SCML2: variants seen among roughly 807,000 people sequenced by gnomAD.
SCML2 encodes sex comb on midleg-like protein 2.
SCML2 carries 6 observed loss-of-function variants against 48.4 expected under a neutral mutation model. That is an observed-to-expected ratio of 0.12 (90% CI 0.07 to 0.24). The LOEUF (loss-of-function observed/expected upper bound fraction) is 0.24. Among genes scored for constraint, SCML2 ranks in the 10% least tolerant of loss-of-function variants. The probability of loss-of-function intolerance (pLI) is 1.00; values close to 1 mark genes in which losing one functional copy is unlikely to be tolerated. For synonymous variants in SCML2, 181 were observed against 189.5 expected (o/e 0.95, Z 0.37); for missense variants, 377 against 528.2 (o/e 0.71, Z 2.81).
chrX:18,333,712 A>G (rs1051574035), intron 2 of SCML2, among the ~76,000 whole-genome samples: 1 of 112,188 alleles, frequency 8.9e-6, no homozygotes, highest in Admixed American at 9.5e-5. Flanking sequence ...CTGACTGCAA[A>G]TGAGTGTGGC....
At chrX:18,341,321 CAGG>C in intron 1 of SCML2, 2 of 436,528 alleles carry the variant, frequency 4.6e-6, no homozygotes, top group Non-Finnish European at 7.8e-6. Flanking sequence ...GGCCATTGAG[CAGG>C]AGAAGCGGGT....
intron 11 of SCML2, among the ~76,000 whole-genome samples, chrX:18,254,371 A>C (rs1387446139): frequency 8.9e-6 from 1 of 112,175 alleles, no homozygotes; most frequent in Non-Finnish European, 1.9e-5. Flanking sequence ...TAAGAAAAAC[A>C]TAAGAGTTCC....
intron 7 of SCML2, among the ~76,000 whole-genome samples, chrX:18,281,382 G>A (rs1927841243): frequency 9.2e-6 from 1 of 109,047 alleles, no homozygotes; most frequent in African/African-American, 3.3e-5. Flanking sequence ...AGTCCTAAAT[G>A]CCTTCATCAA....
At chrX:18,297,202 C>A (rs1349155273) in intron 7 of SCML2, among the ~76,000 whole-genome samples, 6 of 112,002 alleles carry the variant, frequency 5.4e-5, no homozygotes. Context: ...TAAAAACTCT[C>A]AACAAACTAG....
intron 7 of SCML2, among the ~76,000 whole-genome samples, chrX:18,283,917 C>A (rs1192882955): frequency 8.9e-6 from 1 of 111,981 alleles, no homozygotes; most frequent in Admixed American, 9.5e-5. Flanking sequence ...TCATTCTTCA[C>A]AAAATTAGAA....
chrX:18,289,140 G>A (rs752059155), intron 7 of SCML2, among the ~76,000 whole-genome samples: 1 of 111,897 alleles, frequency 8.9e-6, no homozygotes, highest in South Asian at 3.7e-4. Context: ...ATCCCCACCT[G>A]ATCACATGTC....
intron 2 of SCML2, among the ~76,000 whole-genome samples, chrX:18,331,522 T>C (rs185747661): frequency 2.6e-4 from 29 of 111,084 alleles, no homozygotes; most frequent in African/African-American, 9.5e-4. Flanking sequence ...ACATGTATTA[T>C]AGTATGTATC....
chrX:18,246,557 G>A lies in SCML2; in HGVS notation c.1822+20C>T. The A allele has an allele frequency of 8.5e-7, 1 of 1,179,255 alleles. No individual in the cohort carries two copies. The highest frequency in any genetic ancestry group is 1.1e-6 in the Non-Finnish European group (1 of 878,135). On this transcript the variant is annotated intron_variant, in intron 13 of 14. Coordinates refer to ENST00000251900, the MANE Select transcript of SCML2 (RefSeq NM_006089.3). ...AAGGCAAAAGACAAACACATTGAGA[G>A]TCACTATTTTTGAACATACCTTCAC...
intron 4 of SCML2, among the ~76,000 whole-genome samples, 168 bp downstream of exon 4, chrX:18,324,739 C>T (rs1261004496): frequency 8.9e-6 from 1 of 112,073 alleles, no homozygotes; most frequent in Non-Finnish European, 1.9e-5. Flanking sequence ...GCTTATTATA[C>T]CTGACATAGA....
At chrX:18,305,289 T>C in intron 6 of SCML2, 74 bp from the exon 7 acceptor site, 2 of 1,015,108 alleles carry the variant, frequency 2.0e-6, no homozygotes, top group South Asian at 2.4e-5. Context: ...AAGTGAAAAG[T>C]TGCGTATTCT....
chrX:18,274,730 T>C (rs888127519), intron 7 of SCML2, among the ~76,000 whole-genome samples: 1 of 111,265 alleles, frequency 9.0e-6, no homozygotes, highest in Non-Finnish European at 1.9e-5. Flanking sequence ...TAAGCCCCAC[T>C]CCCAACCATC....
intron 7 of SCML2, among the ~76,000 whole-genome samples, chrX:18,290,908 C>T (rs758041159): frequency 1.4e-4 from 16 of 111,293 alleles, no homozygotes; most frequent in Non-Finnish European, 2.6e-4. Flanking sequence ...AATGAAATGA[C>T]TGGCCATATA....
At chrX:18,331,129 G>A (rs779842477) in intron 2 of SCML2, among the ~76,000 whole-genome samples, 114 of 108,192 alleles carry the variant, frequency 1.1e-3, no homozygotes, top group Non-Finnish European at 1.2e-3. Flanking sequence ...GCATGGTGGC[G>A]GGCACCTGTA....
chrX:18,246,110 C>A (rs1376251943), intron 13 of SCML2, among the ~76,000 whole-genome samples: 1 of 111,811 alleles, frequency 8.9e-6, no homozygotes, highest in Non-Finnish European at 1.9e-5. Context: ...CCTGGTGGGT[C>A]TGAGGAAGGA....
intron 7 of SCML2, among the ~76,000 whole-genome samples, chrX:18,268,474 AG>A (rs1190246674): frequency 2.7e-5 from 3 of 109,910 alleles, no homozygotes; most frequent in African/African-American, 1.0e-4. Context: ...GGTTGCAATG[AG>A]CCGAGAATGC....
At chrX:18,304,685 C>T (rs190455226) in intron 7 of SCML2, among the ~76,000 whole-genome samples, 8 of 112,106 alleles carry the variant, frequency 7.1e-5, no homozygotes, top group African/African-American at 2.3e-4. Flanking sequence ...ATACCACCCC[C>T]CTTGCTTATA....
At chrX:18,351,531 T>C (rs1434188392) in intron 1 of SCML2, among the ~76,000 whole-genome samples, 1 of 109,906 alleles carries the variant, frequency 9.1e-6, no homozygotes, top group Non-Finnish European at 1.9e-5. Flanking sequence ...TTGTATATCC[T>C]AAAAATCAGG....
chrX:18,302,826 T>G (rs1019905466), intron 7 of SCML2, among the ~76,000 whole-genome samples: 4 of 112,245 alleles, frequency 3.6e-5, no homozygotes, highest in Non-Finnish European at 7.5e-5. Flanking sequence ...TGTGCAGCTA[T>G]CCAATGAACA....
At chrX:18,318,421 GA>G (rs1203213008) in intron 6 of SCML2, among the ~76,000 whole-genome samples, 8 of 112,918 alleles carry the variant, frequency 7.1e-5, no homozygotes, top group African/African-American at 2.2e-4. Flanking sequence ...ACAATCAGGA[GA>G]AAAGGTGAGA....
Sources: gnomAD v4.1 joint callset for allele counts (sites outside exome capture counted in the v4.1 genomes callset) on GRCh38, gnomAD v4.1.1 for gene constraint, MANE v1.5 for transcripts, NCBI Gene and HGNC (gene_info 2026-07-23, HGNC 2026-07-21) for gene names.